CCSER1: variants seen among roughly 807,000 people sequenced by gnomAD.
CCSER1 encodes coiled-coil serine rich protein 1.
CCSER1 carries 41 observed loss-of-function variants against 82.0 expected under a neutral mutation model. The observed-to-expected ratio is 0.50, with a 90% confidence interval of 0.39 to 0.65. The LOEUF (loss-of-function observed/expected upper bound fraction) is 0.65. CCSER1 is among the 30% of genes least tolerant of loss of function. The probability of loss-of-function intolerance (pLI) is 0.00; values close to 1 mark genes in which losing one functional copy is unlikely to be tolerated. For missense variants in CCSER1, 1,119 were observed against 1,064.2 expected, an observed-to-expected ratio of 1.05 and a Z score of -0.72; for synonymous variants, 414 against 383.9, an observed-to-expected ratio of 1.08 and a Z score of -0.92.
intron 10 of CCSER1, among the ~76,000 whole-genome samples, chr4:91,234,038 T>G (rs1387336773): frequency 1.3e-5 from 2 of 151,900 alleles, no homozygotes; most frequent in Non-Finnish European, 2.9e-5. Flanking sequence ...AAAAAGTATT[T>G]CCCAACAGTA....
chr4:90,412,834 T>C (rs1755101649), intron 4 of CCSER1, among the ~76,000 whole-genome samples: 1 of 152,176 alleles, frequency 6.6e-6, no homozygotes, highest in African/African-American at 2.4e-5. Context: ...GCATTCTCCC[T>C]GAGAACTGGA....
At chr4:90,601,231 T>A (rs941821948) in intron 5 of CCSER1, among the ~76,000 whole-genome samples, 1 of 152,024 alleles carries the variant, frequency 6.6e-6, no homozygotes, top group Admixed American at 6.6e-5. Flanking sequence ...GTTTTTTTCT[T>A]TAATCTTCAG....
At position 91,503,010 on chromosome 4, in the gene CCSER1, A is replaced by T. The variant is rs187389235; in HGVS notation, c.2218-95562A>T. On this transcript the variant is annotated intron_variant, in intron 10 of 10. Coordinates refer to ENST00000509176, the MANE Select transcript of CCSER1 (RefSeq NM_001145065.2). ...ATGCTATTGAATTCCACTAAAAAAA[A>T]TTTTACTTTTAAATCTTTGTTTGTG... Among the ~76,000 whole-genome samples, 72 of 152,208 alleles carry T rather than the reference A, an allele frequency of 4.7e-4. 1 individual carries two copies. Among genetic ancestry groups the T allele is most frequent in the African/African-American group, 1.5e-3 (61 of 41,552 alleles).
intron 10 of CCSER1, among the ~76,000 whole-genome samples, chr4:91,512,323 T>A (rs1224113872): frequency 6.6e-6 from 1 of 152,146 alleles, no homozygotes; most frequent in African/African-American, 2.4e-5. Context: ...ATTTGCTGAG[T>A]CTTCCAGCCT....
intron 10 of CCSER1, among the ~76,000 whole-genome samples, chr4:91,464,729 A>T (rs545558279): frequency 2.0e-5 from 3 of 152,322 alleles, no homozygotes; most frequent in African/African-American, 7.2e-5. Flanking sequence ...AACAGACTTT[A>T]AACCAACAAA....
intron 10 of CCSER1, among the ~76,000 whole-genome samples, chr4:91,448,163 T>C (rs987168923): frequency 6.6e-6 from 1 of 152,142 alleles, no homozygotes; most frequent in African/African-American, 2.4e-5. Context: ...ATGCTCTACC[T>C]TTCCTTTTAG....
chr4:91,559,112 T>TAACA (rs796107108), intron 10 of CCSER1, among the ~76,000 whole-genome samples: 10 of 151,690 alleles, frequency 6.6e-5, no homozygotes, highest in African/African-American at 2.2e-4. Context: ...TAATATTAAC[T>TAACA]AACAAAGTTT....
At chr4:90,233,661 CT>C (rs1745156734) in intron 1 of CCSER1, among the ~76,000 whole-genome samples, 1 of 150,076 alleles carries the variant, frequency 6.7e-6, no homozygotes, top group Non-Finnish European at 1.5e-5. Flanking sequence ...ACAAACTGGC[CT>C]TATGAACCTT....
At chr4:90,327,765 G>A (rs994846763) in intron 3 of CCSER1, among the ~76,000 whole-genome samples, 7 of 152,094 alleles carry the variant, frequency 4.6e-5, no homozygotes, top group Non-Finnish European at 1.0e-4. Flanking sequence ...GGGACCCCCT[G>A]GTTGTGACAA....
chr4:91,431,834 GA>G (rs1754344464), intron 10 of CCSER1, among the ~76,000 whole-genome samples: 1 of 151,840 alleles, frequency 6.6e-6, no homozygotes, highest in South Asian at 2.1e-4. Context: ...TTTAATTAAG[GA>G]TATATGTTTT....
intron 7 of CCSER1, among the ~76,000 whole-genome samples, chr4:90,814,300 G>A (rs537682861): frequency 6.6e-6 from 1 of 152,332 alleles, no homozygotes; most frequent in South Asian, 2.1e-4. Context: ...TGTAATGGGA[G>A]AGGCTGCTTC....
chr4:90,760,862 T>C (rs1474842401), intron 7 of CCSER1, among the ~76,000 whole-genome samples: 1 of 152,058 alleles, frequency 6.6e-6, no homozygotes, highest in East Asian at 1.9e-4. Flanking sequence ...TTTTTTGGCA[T>C]ATACAGGGAG....
chr4:90,132,698 C>A (rs1723009626), intron 1 of CCSER1, among the ~76,000 whole-genome samples: 1 of 152,160 alleles, frequency 6.6e-6, no homozygotes. Context: ...TAAAAGATTT[C>A]TGCTCAGATC....
At chr4:90,536,019 T>C (rs111711066) in intron 5 of CCSER1, among the ~76,000 whole-genome samples, 5,170 of 149,884 alleles carry the variant, frequency 0.034, 332 homozygotes, top group African/African-American at 0.12. Context: ...ATATTTCTTT[T>C]TCTTTCTTTC....
At chr4:90,615,675 GTT>G (rs59211032) in intron 5 of CCSER1, among the ~76,000 whole-genome samples, 2,278 of 147,512 alleles carry the variant, frequency 0.015, 60 homozygotes, top group African/African-American at 0.049. Context: ...AGAAAGTGTT[GTT>G]TTTTTTTTTT....
chr4:90,734,766 A>G (rs1745377208), intron 7 of CCSER1, among the ~76,000 whole-genome samples: 1 of 152,154 alleles, frequency 6.6e-6, no homozygotes, highest in South Asian at 2.1e-4. Flanking sequence ...ATGACCTGCA[A>G]ACAAGTATAA....
At chr4:90,682,547 C>A (rs1239152881) in intron 6 of CCSER1, among the ~76,000 whole-genome samples, 1 of 151,860 alleles carries the variant, frequency 6.6e-6, no homozygotes, top group Non-Finnish European at 1.5e-5. Flanking sequence ...AGTTTACTTA[C>A]CTTTTATTTT....
chr4:91,041,042 T>C (rs1319230722), intron 9 of CCSER1, among the ~76,000 whole-genome samples: 1 of 152,140 alleles, frequency 6.6e-6, no homozygotes, highest in Admixed American at 6.6e-5. Context: ...TTGTATTATA[T>C]TAACTAAATT....
At chr4:90,506,632 G>A (rs1470211933) in intron 5 of CCSER1, among the ~76,000 whole-genome samples, 1 of 152,048 alleles carries the variant, frequency 6.6e-6, no homozygotes, top group Admixed American at 6.6e-5. Context: ...AGGCATGGTA[G>A]TGTGTGCCTG....
Sources: allele counts gnomAD v4.1 joint callset (sites outside exome capture counted in the v4.1 genomes callset), GRCh38; gene constraint gnomAD v4.1.1; transcripts MANE v1.5; gene names NCBI Gene and HGNC (gene_info 2026-07-23, HGNC 2026-07-21).